The following NAT10 variants were observed in gnomAD, a reference collection of about 807,000 sequenced individuals.
NAT10 encodes RNA cytidine acetyltransferase.
NAT10 carries 109 observed loss-of-function variants against 132.2 expected under a neutral mutation model. That is an observed-to-expected ratio of 0.82 (90% CI 0.71 to 0.97). The LOEUF is 0.97. NAT10 is among the 50% of genes least tolerant of loss of function. The pLI is 0.00. For missense variants in NAT10, 1,184 were observed against 1,263.4 expected, an observed-to-expected ratio of 0.94 and a Z score of 0.95; for synonymous variants, 479 against 478.0, an observed-to-expected ratio of 1.00 and a Z score of -0.03.
In NAT10 at chr11:34,114,559, C is replaced by T. The variant is rs988855658; in HGVS notation, c.495+721C>T. 6.6e-5 allele frequency among the ~76,000 whole-genome samples: 10 copies of T among 152,332 alleles called. 1 individual carries two copies. The highest frequency in any genetic ancestry group is 2.0e-4 in the Admixed American group (3 of 15,306). On this transcript the variant is annotated intron_variant, in intron 5 of 28. Coordinates refer to ENST00000257829, the MANE Select transcript of NAT10 (RefSeq NM_024662.3). The stretch of plus-strand genomic sequence containing the variant: ...ACTTCTCCCTTCATCACTTGCACTA[C>T]AGCCCTTTTGGCCTCCTCAAATGTC...
chr11:34,122,383 C>G, intron 8 of NAT10, 76 bp from the exon 9 acceptor site: 1 of 1,585,930 alleles, frequency 6.3e-7, no homozygotes, highest in Non-Finnish European at 8.6e-7. Context: ...AACCTCACTT[C>G]TCCACAGTGA....
chr11:34,143,222 C>G (rs565730012), intron 27 of NAT10, among the ~76,000 whole-genome samples: 5 of 152,318 alleles, frequency 3.3e-5, no homozygotes, highest in Middle Eastern at 3.4e-3. Flanking sequence ...CCTGGTGACC[C>G]TCGCTCCTGT....
intron 28 of NAT10, 60 bp downstream of exon 28, chr11:34,143,588 TCTTTAA>T (rs1852381246): frequency 1.4e-6 from 2 of 1,479,700 alleles, no homozygotes; most frequent in Non-Finnish European, 1.8e-6. Context: ...TCTCTGCTTC[TCTTTAA>T]CTTTGACTAG....
intron 6 of NAT10, among the ~76,000 whole-genome samples, chr11:34,116,523 T>C (rs1422309481): frequency 1.3e-5 from 2 of 151,726 alleles, no homozygotes; most frequent in Non-Finnish European, 2.9e-5. Context: ...GGTCGAGTGA[T>C]TCTCCTGTAT....
chr11:34,131,842 C>T lies in NAT10; in HGVS notation c.1521-283C>T, dbSNP rs150987077. ...CTGGGATTACAGGTGCCAGCCACCA[C>T]GTCTGGCTAATTTTTGTATTTTTAG... is the stretch of plus-strand genomic sequence containing the variant. On this transcript the variant is annotated intron_variant, in intron 14 of 28. Transcript: ENST00000257829. Among the ~76,000 whole-genome samples, 1,486 of 152,014 alleles carry T rather than the reference C, an allele frequency of 9.8e-3. 30 individuals are homozygous for T. Among genetic ancestry groups the T allele is most frequent in the African/African-American group, 0.033 (1,369 of 41,466 alleles).
chr11:34,122,696 T>G, intron 9 of NAT10, 104 bp downstream of exon 9: 1 of 1,451,878 alleles, frequency 6.9e-7, no homozygotes, highest in Non-Finnish European at 9.4e-7. Context: ...AGTTCTGAGT[T>G]CTGAGTGGGT....
intron 16 of NAT10, 89 bp downstream of exon 16, chr11:34,133,231 T>C: frequency 9.6e-7 from 1 of 1,045,166 alleles, no homozygotes; most frequent in South Asian, 1.3e-5. Context: ...ATTGTGGGAG[T>C]TTTGAAACTG....
At chr11:34,124,210 A>T (rs1241359075) in intron 10 of NAT10, 92 bp from the exon 11 acceptor site, 9 of 828,564 alleles carry the variant, frequency 1.1e-5, no homozygotes, top group Non-Finnish European at 1.5e-5. Flanking sequence ...GTTTAAATCC[A>T]AGTGAAGTCT....
intron 1 of NAT10, among the ~76,000 whole-genome samples, chr11:34,107,901 G>T (rs185456700): frequency 5.3e-4 from 81 of 152,346 alleles, no homozygotes; most frequent in Non-Finnish European, 7.1e-4. Context: ...TGGATATTTG[G>T]ATATCTCCTT....
At chr11:34,116,016 A>ACAG (rs1405155065) in intron 6 of NAT10, 132 bp downstream of exon 6, 1 of 797,832 alleles carries the variant, frequency 1.3e-6, no homozygotes. Flanking sequence ...GAGATTCTTG[A>ACAG]CAGCAGCAGC....
At chr11:34,145,805 T>A (rs1255398130) in intron 28 of NAT10, among the ~76,000 whole-genome samples, 1 of 152,114 alleles carries the variant, frequency 6.6e-6, no homozygotes, top group Non-Finnish European at 1.5e-5. Flanking sequence ...TACTGCACCC[T>A]GAGGAGAACC....
chr11:34,141,798 A>G lies in NAT10; in HGVS notation c.2792A>G (p.Lys931Arg), dbSNP rs1852338442. 1 of 1,613,842 alleles carries G rather than the reference A, an allele frequency of 6.2e-7. No individual in the cohort carries two copies. Among genetic ancestry groups the G allele is most frequent in the Middle Eastern group, 1.7e-4 (1 of 5,790 alleles). Residue 931 changes from lysine (K) to arginine (R), a missense_variant, in exon 26 of 29, where the codon AAG (lysine) becomes AGG (arginine). Coordinates refer to ENST00000257829, the MANE Select transcript of NAT10 (RefSeq NM_024662.3). ...AKDVVMEPTMKTLSDDLDEAA... is the reference protein window; with the variant it reads ...AKDVVMEPTMRTLSDDLDEAA... ...GATGTGGTCATGGAGCCCACGATGA[A>G]GACCCTCAGTGACGACCTAGTATGT... is the stretch of plus-strand genomic sequence containing the variant.
chr11:34,142,158 T>C (rs2982612), intron 26 of NAT10, 117 bp from the exon 27 acceptor site: 966,740 of 967,378 alleles, frequency 1, 483,057 homozygotes, highest in Non-Finnish European at 1. Context: ...TGCAGGTAGA[T>C]GGAAGAGAAG....
At chr11:34,115,966 T>C in intron 6 of NAT10, 82 bp downstream of exon 6, 2 of 1,430,236 alleles carry the variant, frequency 1.4e-6, no homozygotes, top group Non-Finnish European at 2.0e-6. Context: ...AAAACTTTGC[T>C]TTTATATTGG....
chr11:34,114,923 TGGGCGGATCACCTGA>T (rs898812313), intron 5 of NAT10, among the ~76,000 whole-genome samples: 1 of 152,052 alleles, frequency 6.6e-6, no homozygotes, highest in African/African-American at 2.4e-5. Context: ...GAGCCTGAGG[TGGGCGGATCACCTGA>T]GGTCAGGAGT....
At chr11:34,117,941 G>A (rs1285941760) in intron 6 of NAT10, among the ~76,000 whole-genome samples, 1 of 152,082 alleles carries the variant, frequency 6.6e-6, no homozygotes, top group East Asian at 1.9e-4. Flanking sequence ...CAACAGGAGG[G>A]CTTCTAATTG....
intron 4 of NAT10, among the ~76,000 whole-genome samples, chr11:34,113,085 C>G (rs1227642662): frequency 6.6e-6 from 1 of 152,172 alleles, no homozygotes; most frequent in Non-Finnish European, 1.5e-5. Context: ...GGGAAATGCC[C>G]TGGGTTATCA....
chr11:34,141,355 G>C, intron 25 of NAT10, 147 bp downstream of exon 25: 1 of 1,174,868 alleles, frequency 8.5e-7, no homozygotes, highest in Non-Finnish European at 1.2e-6. Flanking sequence ...ACAAATCCAG[G>C]ACTTCAGAAC....
At chr11:34,125,144 A>G (rs1050821962) in intron 11 of NAT10, among the ~76,000 whole-genome samples, 6 of 152,352 alleles carry the variant, frequency 3.9e-5, no homozygotes, top group African/African-American at 1.4e-4. Context: ...GATTATAAAC[A>G]ATGTTAAGTG....
Sources: allele counts gnomAD v4.1 joint callset (sites outside exome capture counted in the v4.1 genomes callset), GRCh38; gene constraint gnomAD v4.1.1; transcripts MANE v1.5; gene names NCBI Gene and HGNC (gene_info 2026-07-23, HGNC 2026-07-21).